Variants in FUBP3 observed in about 807,000 individuals in gnomAD.
FUBP3 encodes the protein far upstream element binding protein 3.
In FUBP3, 28 loss-of-function variants were observed where a neutral mutation model predicts 85.6. The observed-to-expected ratio is 0.33, with a 90% CI of 0.24 to 0.45. FUBP3 has a LOEUF of 0.45. Ranked by LOEUF, FUBP3 falls within the 20% of genes least tolerant of loss-of-function variation. The pLI is 1.00. For missense variants in FUBP3, 583 were observed against 755.1 expected (o/e 0.77, Z 2.67); for synonymous variants, 271 against 271.4 (o/e 1.00, Z 0.01).
rs1831658709 is a variant in FUBP3 at position 130,609,997 on chromosome 9, G to A, written c.224+10G>A. The A allele has an allele frequency of 2.5e-6, 4 of 1,584,752 alleles. No individual in the cohort carries two copies. The highest frequency in any genetic ancestry group is 3.5e-6 in the Non-Finnish European group (4 of 1,153,716). ...CCTTGGTACATCAAAGGTAAGCAGT[G>A]GGTTACGTTTTATTATTTATTGATC... On this transcript the variant is annotated intron_variant, in intron 3 of 18. Transcript: ENST00000319725.
intron 2 of FUBP3, among the ~76,000 whole-genome samples, chr9:130,607,249 G>A (rs562521228): frequency 7.6e-4 from 115 of 152,050 alleles, no homozygotes; most frequent in African/African-American, 2.7e-3. Flanking sequence ...TGGGATTACA[G>A]GCATGAGTGA....
At chr9:130,615,109 G>T (rs7040341) in intron 6 of FUBP3, among the ~76,000 whole-genome samples, 45,580 of 152,084 alleles carry the variant, frequency 0.3, 8,389 homozygotes, top group African/African-American at 0.52. Context: ...TGAGCTTAAA[G>T]TCTCTTGTTC....
chr9:130,631,327 G>A, intron 13 of FUBP3: 1 of 1,403,534 alleles, frequency 7.1e-7, no homozygotes. Context: ...TGCCAGGGCA[G>A]TTGTGGTGGT....
At position 130,612,354 on chromosome 9, in the gene FUBP3, G is replaced by A; in HGVS notation, c.225-102G>A. Reference sequence around the variant, plus strand: ...GCCAAATTGGCCTGATGTATTTTAAGCTTTTATCATGCAACATTGCCAGTA... The same window carrying A: ...GCCAAATTGGCCTGATGTATTTTAAACTTTTATCATGCAACATTGCCAGTA... On this transcript the variant is annotated intron_variant, in intron 3 of 18. Transcript: ENST00000319725. The surrounding 1 kb of genome is among the most constrained non-coding windows in gnomAD (Gnocchi z 4.1). The A allele has an allele frequency of 1.4e-6, 1 of 713,886 alleles. No individual in the cohort carries two copies. Among genetic ancestry groups the A allele is most frequent in the Non-Finnish European group, 2.5e-6 (1 of 402,568 alleles). 44.2% of individuals were successfully genotyped at this position (713,886 alleles called of 1,614,324 possible). A position where few individuals can be genotyped will look rare whatever the true frequency, so the allele number is the denominator to read the frequency against.
rs557945907 is a variant in FUBP3, at chr9:130,615,206, A to T, written c.404+861A>T. The stretch of plus-strand genomic sequence containing the variant: ...CAACTGGATGGTTTGCTGGAGTCAA[A>T]GCATTTTTCTTCCAACACAGGTTAA... On this transcript the variant is annotated intron_variant, in intron 6 of 18. Coordinates refer to ENST00000319725, the MANE Select transcript of FUBP3 (RefSeq NM_003934.2). 4.9e-4 allele frequency among the ~76,000 whole-genome samples: 74 copies of T among 152,342 alleles called. No homozygotes were observed. The South Asian group carries it at 8.9e-3, about 18-fold the overall frequency.
chr9:130,619,877 T>C (rs1053647207), intron 8 of FUBP3, among the ~76,000 whole-genome samples: 48 of 152,248 alleles, frequency 3.2e-4, no homozygotes, highest in African/African-American at 1.1e-3. Flanking sequence ...TTTCAGCCTT[T>C]TCTTTTTAAC....
rs567037120 is a variant in FUBP3 at position 130,637,252 on chromosome 9, G to T, written c.*230G>T. ...TGTTATTTCAAATGTATAAGCTCTG[G>T]GATTCTTTTTGGAGCAATACCTACA... On this transcript the variant is annotated 3_prime_UTR_variant, in exon 19 of 19. Transcript: ENST00000319725. The T allele has an allele frequency of 3.6e-6, 2 of 553,336 alleles. No individual in the cohort carries two copies. The highest frequency in any genetic ancestry group is 4.3e-5 in the South Asian group (2 of 46,212). The allele number at this position is 553,336 out of a possible 1,614,324, so 34.3% of individuals were successfully genotyped here. A position where few individuals can be genotyped will look rare whatever the true frequency, so the allele number is the denominator to read the frequency against.
intron 1 of FUBP3, among the ~76,000 whole-genome samples, chr9:130,587,969 C>T (rs2119008737): frequency 6.6e-6 from 1 of 152,298 alleles, no homozygotes; most frequent in South Asian, 2.1e-4. Flanking sequence ...CCAAGAAGAG[C>T]TGCATCTTAT....
intron 1 of FUBP3, among the ~76,000 whole-genome samples, chr9:130,594,411 T>G (rs1273934073): frequency 6.6e-6 from 1 of 151,850 alleles, no homozygotes; most frequent in Admixed American, 6.6e-5. Context: ...GGTGAAATCC[T>G]GTCTCTACTA....
chr9:130,588,829 T>A (rs1588114670), intron 1 of FUBP3, among the ~76,000 whole-genome samples: 2 of 152,224 alleles, frequency 1.3e-5, no homozygotes, highest in East Asian at 3.9e-4. Context: ...AGGAACTTGT[T>A]CTTTGCCACA....
At chr9:130,579,799 C>G (rs530372199) in intron 1 of FUBP3, 35 bp downstream of exon 1, 1 of 1,221,396 alleles carries the variant, frequency 8.2e-7, no homozygotes, top group South Asian at 3.9e-5. Context: ...AGCACGAGAT[C>G]CCGAGGCGGG....
chr9:130,634,493 T>C (rs1243680542), intron 16 of FUBP3, 174 bp from the exon 17 acceptor site: 2 of 597,928 alleles, frequency 3.3e-6, no homozygotes, highest in Admixed American at 2.9e-5. Context: ...TGATCTTAGT[T>C]ACACCCCTTC....
intron 1 of FUBP3, among the ~76,000 whole-genome samples, chr9:130,589,705 A>AT (rs779633795): frequency 9.1e-4 from 67 of 73,798 alleles, no homozygotes; most frequent in East Asian, 3.0e-3. Flanking sequence ...ATATATATAT[A>AT]TTTTTTTTTT....
chr9:130,636,966 C>T, intron 18 of FUBP3, 48 bp from the exon 19 acceptor site: 2 of 1,592,086 alleles, frequency 1.3e-6, no homozygotes, highest in Non-Finnish European at 1.7e-6. Flanking sequence ...GCACACAGAC[C>T]TGAGAACCTG....
intron 2 of FUBP3, among the ~76,000 whole-genome samples, chr9:130,605,067 T>C (rs1380628859): frequency 1.3e-5 from 2 of 152,256 alleles, no homozygotes; most frequent in Non-Finnish European, 2.9e-5. Flanking sequence ...ATTTCATTTT[T>C]ATTAATAAAG....
chr9:130,592,677 G>A (rs138091321), intron 1 of FUBP3, among the ~76,000 whole-genome samples: 83 of 151,772 alleles, frequency 5.5e-4, no homozygotes, highest in Middle Eastern at 3.5e-3. Flanking sequence ...CTGAGTAGCC[G>A]GGACTACAGG....
At chr9:130,634,232 C>T (rs1402752125) in intron 16 of FUBP3, among the ~76,000 whole-genome samples, 2 of 152,222 alleles carry the variant, frequency 1.3e-5, no homozygotes, top group Non-Finnish European at 2.9e-5. Flanking sequence ...GTCCAGGAGC[C>T]CACTGGTGCT....
intron 7 of FUBP3, among the ~76,000 whole-genome samples, chr9:130,617,152 G>T (rs1019716714): frequency 1.3e-5 from 2 of 152,176 alleles, no homozygotes; most frequent in African/African-American, 4.8e-5. Context: ...GCATATTTCT[G>T]TAGCAAAATA....
intron 2 of FUBP3, among the ~76,000 whole-genome samples, chr9:130,598,078 G>A (rs1033493527): frequency 1.3e-5 from 2 of 152,230 alleles, no homozygotes; most frequent in African/African-American, 4.8e-5. Flanking sequence ...TGAACCCGAG[G>A]TTTTAAGTGA....
Sources: gnomAD v4.1 joint callset for allele counts (sites outside exome capture counted in the v4.1 genomes callset) on GRCh38, gnomAD v4.1.1 for gene constraint, Gnocchi (gnomAD v3.1) non-coding constraint, MANE v1.5 for transcripts, NCBI Gene and HGNC (gene_info 2026-07-23, HGNC 2026-07-21) for gene names.